Variants in FREM3 observed in about 807,000 individuals in gnomAD.
FREM3 encodes FRAS1 related extracellular matrix 3, also known as FRAS1-related extracellular matrix protein 3.
FREM3 carries 105 observed loss-of-function variants against 129.1 expected under a neutral mutation model. The ratio of observed to expected loss-of-function variants is 0.81; its 90% CI spans 0.69 to 0.96. The LOEUF is 0.96. FREM3 is among the 40% of genes least tolerant of loss of function. The pLI, the probability that FREM3 is intolerant of heterozygous loss-of-function variation, is 0.00. For missense variants in FREM3, 2,593 were observed against 2,666.3 expected (o/e 0.97, Z 0.61); for synonymous variants, 1,014 against 1,044.9 (o/e 0.97, Z 0.57).
intron 2 of FREM3, among the ~76,000 whole-genome samples, chr4:143,675,858 G>A (rs934360686): frequency 6.6e-6 from 1 of 152,120 alleles, no homozygotes; most frequent in Non-Finnish European, 1.5e-5. Context: ...TTGAATCTCT[G>A]AATAGACCAA....
rs183483617 is a variant in FREM3 at position 143,674,496 on chromosome 4, T to A, written c.5275+18617A>T. On this transcript the variant is annotated intron_variant, in intron 2 of 7. Transcript: ENST00000329798. ...AAACTGCATCAACTGACAAGCAAAA[T>A]AACTGGCTGACATCGTAATGATAGG... Among the ~76,000 whole-genome samples the A allele has an allele frequency of 2.0e-3, 309 of 152,174 alleles. 1 individual carries two copies. Among genetic ancestry groups the A allele is most frequent in the Non-Finnish European group, 2.5e-3 (170 of 68,004 alleles).
chr4:143,660,775 A>C (rs890831173), intron 2 of FREM3, among the ~76,000 whole-genome samples: 1 of 152,014 alleles, frequency 6.6e-6, no homozygotes, highest in Non-Finnish European at 1.5e-5. Flanking sequence ...AGTGGTTTGT[A>C]GTTCTCCTTG....
At chr4:143,606,077 C>CT (rs1738663363) in intron 6 of FREM3, among the ~76,000 whole-genome samples, 2 of 152,220 alleles carry the variant, frequency 1.3e-5, no homozygotes, top group East Asian at 3.9e-4. Context: ...GTTTGCATCT[C>CT]TTTCTTCAAA....
At position 143,585,249 on chromosome 4, in the gene FREM3, ATG is replaced by A. The variant is rs1738218598; in HGVS notation, c.6178+593_6178+594del. Among the ~76,000 whole-genome samples, 4 of 152,228 alleles carry A rather than the reference ATG, an allele frequency of 2.6e-5. No homozygotes were observed. Among genetic ancestry groups the A allele is most frequent in the Admixed American group, 2.6e-4 (4 of 15,282 alleles). On this transcript the variant is annotated intron_variant, in intron 7 of 7. Transcript: ENST00000329798. This position sits in a 1 kb window ranked among gnomAD's most constrained non-coding sequence, Gnocchi z 4.2. ...TGCAAATGAGAAAATGTGGGCATCA[ATG>A]TACATGGAAATGTCCTTTTCTTTTC...
intron 6 of FREM3, among the ~76,000 whole-genome samples, chr4:143,595,137 G>C (rs1413723715): frequency 6.6e-6 from 1 of 152,182 alleles, no homozygotes; most frequent in Non-Finnish European, 1.5e-5. Context: ...GGTTTTGCAG[G>C]TGAGGTAACA....
intron 2 of FREM3, among the ~76,000 whole-genome samples, chr4:143,653,377 C>T (rs761589449): frequency 7.2e-5 from 11 of 152,236 alleles, no homozygotes; most frequent in Non-Finnish European, 1.5e-4. Flanking sequence ...CTGGTTTTGA[C>T]TGGAGGCTGC....
chr4:143,660,614 T>A (rs1438102727), intron 2 of FREM3, among the ~76,000 whole-genome samples: 1 of 152,216 alleles, frequency 6.6e-6, no homozygotes, highest in Non-Finnish European at 1.5e-5. Flanking sequence ...TTTCCAATTC[T>A]GTGAGGAAAG....
Position 143,611,491 on chromosome 4 carries a change from A to G in FREM3, c.5816T>C (p.Phe1939Ser), listed in dbSNP as rs72938299. ...ATGTISSTVL[F>S]SDYISRPEDH... is the part of the protein sequence containing the mutation. Reference sequence around the variant, plus strand: ...TTCTGGACGTGAGATGTAATCAGAGAATAACACTGTGGAAGAAATCGTGCC... The same window carrying G: ...TTCTGGACGTGAGATGTAATCAGAGGATAACACTGTGGAAGAAATCGTGCC... The change falls in exon 6 of 8, where the codon TTC becomes TCC. Residue 1939 changes from phenylalanine to serine, a missense_variant. Phe to Ser is a radical substitution (Grantham distance 155). Around this residue, in one of 2 missense-constraint regions of FREM3, gnomAD observed 317 missense variants for 399.0 expected, o/e 0.79. Coordinates refer to ENST00000329798, the MANE Select transcript of FREM3 (RefSeq NM_001168235.2). The G allele has an allele frequency of 0.013, 20,254 of 1,537,030 alleles. 957 individuals are homozygous for G. In the African/African-American group the frequency reaches 0.15, roughly 11 times the overall value.
chr4:143,582,915 T>TTTAC (rs1560833000), intron 7 of FREM3, among the ~76,000 whole-genome samples: 1 of 150,888 alleles, frequency 6.6e-6, no homozygotes. Flanking sequence ...TTTTTTGAGA[T>TTTAC]GGGTTTGAAC....
chr4:143,677,646 T>C (rs1282878417), intron 2 of FREM3, among the ~76,000 whole-genome samples: 2 of 152,196 alleles, frequency 1.3e-5, no homozygotes, highest in African/African-American at 4.8e-5. Context: ...TCTACTCATC[T>C]GACAAAGGGC....
At chr4:143,592,109 C>T (rs370199878) in intron 6 of FREM3, among the ~76,000 whole-genome samples, 4 of 152,140 alleles carry the variant, frequency 2.6e-5, no homozygotes, top group Non-Finnish European at 4.4e-5. Context: ...CTTCCTCCAT[C>T]CCTTTATTTT....
At chr4:143,626,304 A>G (rs1458337522) in intron 3 of FREM3, among the ~76,000 whole-genome samples, 1 of 152,178 alleles carries the variant, frequency 6.6e-6, no homozygotes, top group Non-Finnish European at 1.5e-5. Flanking sequence ...GCTGAAATCT[A>G]CTTGGGAAGA....
At chr4:143,662,778 G>A (rs1397420696) in intron 2 of FREM3, among the ~76,000 whole-genome samples, 1 of 151,964 alleles carries the variant, frequency 6.6e-6, no homozygotes, top group Non-Finnish European at 1.5e-5. Flanking sequence ...TGTATTGGGT[G>A]TATATATATT....
At chr4:143,676,805 G>C (rs1293738409) in intron 2 of FREM3, among the ~76,000 whole-genome samples, 1 of 152,080 alleles carries the variant, frequency 6.6e-6, no homozygotes, top group Non-Finnish European at 1.5e-5. Flanking sequence ...GCTTCAAAGA[G>C]AATAAAATAC....
intron 2 of FREM3, among the ~76,000 whole-genome samples, chr4:143,663,410 C>A (rs1578857702): frequency 6.6e-6 from 1 of 152,074 alleles, no homozygotes; most frequent in East Asian, 1.9e-4. Context: ...TGAATATTGG[C>A]CCCCACTCTC....
chr4:143,586,158 C>A (rs1738241004), intron 6 of FREM3, among the ~76,000 whole-genome samples, 165 bp from the exon 7 acceptor site: 1 of 152,076 alleles, frequency 6.6e-6, no homozygotes, highest in Non-Finnish European at 1.5e-5. Context: ...CAAAAACACA[C>A]AAAAAGCCAC....
chr4:143,602,620 T>G (rs1168150376), intron 6 of FREM3, among the ~76,000 whole-genome samples: 1 of 149,804 alleles, frequency 6.7e-6, no homozygotes, highest in Non-Finnish European at 1.5e-5. Context: ...GGAGATTCTG[T>G]CAGAGTTAAA....
At position 143,699,855 on chromosome 4, in the gene FREM3, G is replaced by T. The variant is rs548013100; in HGVS notation, c.821C>A (p.Pro274His). Residue 274 changes from proline (P) to histidine (H), a missense_variant, in exon 1 of 8, where the codon CCT (proline) becomes CAT (histidine). Transcript: ENST00000329798. This position sits in a 1 kb window ranked among gnomAD's most constrained non-coding sequence, Gnocchi z 4.2. The part of the protein sequence containing the change: ...YVPMMVELLG[P>H]EGQDAGSAGV... ...CGCGGACCCAGCGTCTTGGCCCTCA[G>T]GCCCCAGCAGCTCCACCATCATGGG... The T allele has an allele frequency of 1.5e-5, 23 of 1,536,648 alleles. No homozygotes were observed. The East Asian group carries it at 5.6e-4, about 38-fold the overall frequency.
At chr4:143,634,888 A>G (rs1578844232) in intron 2 of FREM3, among the ~76,000 whole-genome samples, 1 of 152,222 alleles carries the variant, frequency 6.6e-6, no homozygotes, top group East Asian at 1.9e-4. Flanking sequence ...AATGGAGGCC[A>G]GAGAGATCAT....
Sources: allele counts gnomAD v4.1 joint callset (sites outside exome capture counted in the v4.1 genomes callset), GRCh38; gene constraint gnomAD v4.1.1; regional missense constraint gnomAD v4.1.1; non-coding constraint Gnocchi (gnomAD v3.1); transcripts MANE v1.5; gene names NCBI Gene and HGNC (gene_info 2026-07-23, HGNC 2026-07-21).